Variants in SHROOM4 observed in about 807,000 individuals in gnomAD.
The protein encoded by SHROOM4 is protein Shroom4.
SHROOM4 carries 17 observed loss-of-function variants against 80.3 expected under a neutral mutation model. The ratio of observed to expected loss-of-function variants is 0.21; its 90% CI spans 0.14 to 0.32. The LOEUF (loss-of-function observed/expected upper bound fraction) is 0.32, where lower values mean the gene tolerates loss of function less well. Ranked by LOEUF, SHROOM4 falls within the 10% of genes least tolerant of loss-of-function variation. SHROOM4 has a pLI of 1.00. For synonymous variants in SHROOM4, 400 were observed against 437.5 expected (o/e 0.91, Z 1.07); for missense variants, 993 against 1,140.3 (o/e 0.87, Z 1.86).
intron 1 of SHROOM4, among the ~76,000 whole-genome samples, chrX:50,737,664 T>G (rs1435817896): frequency 1.8e-5 from 2 of 110,892 alleles, no homozygotes; most frequent in African/African-American, 6.6e-5. Context: ...AATAACAGGC[T>G]CTGAAATTGA....
intron 1 of SHROOM4, among the ~76,000 whole-genome samples, chrX:50,801,691 G>A (rs1337228874): frequency 8.9e-6 from 1 of 111,803 alleles, no homozygotes; most frequent in Non-Finnish European, 1.9e-5. Flanking sequence ...GAAAAGGAGA[G>A]TATCAGCCTC....
chrX:50,760,381 T>C (rs1935129200), intron 1 of SHROOM4, among the ~76,000 whole-genome samples: 1 of 104,212 alleles, frequency 9.6e-6, no homozygotes, highest in Non-Finnish European at 2.0e-5. Context: ...CAGGCTAGAG[T>C]GCATGGAGTG....
At chrX:50,617,275 T>C (rs1159436652) in intron 5 of SHROOM4, among the ~76,000 whole-genome samples, 1 of 112,177 alleles carries the variant, frequency 8.9e-6, no homozygotes, top group African/African-American at 3.2e-5. Flanking sequence ...GACCTAGAAA[T>C]GATGCTAGGA....
downstream of SHROOM4, among the ~76,000 whole-genome samples, chrX:50,583,875 C>T (rs1928709300): frequency 8.9e-6 from 1 of 112,259 alleles, no homozygotes; most frequent in African/African-American, 3.2e-5. Flanking sequence ...GTAGAGGACA[C>T]AGTTAAGTTA....
intron 1 of SHROOM4, 48 bp downstream of exon 1, chrX:50,813,854 G>T (rs781792397): frequency 4.0e-6 from 4 of 1,002,210 alleles, no homozygotes; most frequent in East Asian, 3.1e-5. Flanking sequence ...GCACCCGCTT[G>T]TCCATTCAAA....
intron 1 of SHROOM4, among the ~76,000 whole-genome samples, chrX:50,770,701 G>C (rs1194362475): frequency 1.8e-5 from 2 of 111,890 alleles, no homozygotes; most frequent in Non-Finnish European, 3.8e-5. Flanking sequence ...TTCCTGCAAG[G>C]AGCACCCTTT....
chrX:50,602,646 A>G lies in SHROOM4; in HGVS notation c.3929T>C (p.Leu1310Pro). 1 of 1,211,475 alleles carries G rather than the reference A, an allele frequency of 8.3e-7. No individual in the cohort carries two copies. The highest frequency in any genetic ancestry group is 1.1e-6 in the Non-Finnish European group (1 of 895,402). ...AAAAAACTTTACCTTTTTTTGAGCC[A>G]GTTCATGGTCAACTTCCTCCTCTCC... ...GLGEEEVDHE[L>P]AQKKIQLIES... The change falls in exon 7 of 9, where the codon CTG (leucine) becomes CCG (proline). Residue 1310 changes from leucine (L) to proline (P), a missense_variant. Physicochemically the swap from Leu to Pro is moderately conservative, Grantham distance 98 (BLOSUM62 -3). Coordinates refer to ENST00000376020, the MANE Select transcript of SHROOM4 (RefSeq NM_020717.5).
intron 2 of SHROOM4, among the ~76,000 whole-genome samples, chrX:50,644,614 C>T (rs1229903655): frequency 8.9e-6 from 1 of 112,555 alleles, no homozygotes; most frequent in Non-Finnish European, 1.9e-5. Flanking sequence ...GGCCTCTGGC[C>T]TCAATTCCAG....
chrX:50,789,847 C>T (rs1211140378), intron 1 of SHROOM4, among the ~76,000 whole-genome samples: 7 of 111,987 alleles, frequency 6.3e-5, no homozygotes, highest in South Asian at 3.7e-4. Context: ...CATCACCTAA[C>T]GACAGGATTA....
chrX:50,639,873 G>A (rs1380688743), intron 2 of SHROOM4, among the ~76,000 whole-genome samples: 2 of 112,233 alleles, frequency 1.8e-5, no homozygotes, highest in Non-Finnish European at 3.8e-5. Context: ...GGAAGGGCAG[G>A]GGAAGCTGTT....
chrX:50,634,378 C>A lies in SHROOM4; in HGVS notation c.1695G>T (p.Arg565=). The A allele has an allele frequency of 3.3e-6, 4 of 1,211,308 alleles. No homozygotes were observed. The highest frequency in any genetic ancestry group is 4.5e-6 in the Non-Finnish European group (4 of 895,348). Residue 565 remains arginine (R), a synonymous_variant, in exon 4 of 9, where the codon CGG becomes CGT. Transcript: ENST00000376020. ...TCCCTCCACTTCGCCTACCACCCAT[C>A]CGGCTGCACTCCTTGGGCTCGCTGT... is the stretch of plus-strand genomic sequence containing the variant. ...EGDSEPKECS[R]MGGRRSGGTR... is the part of the protein sequence containing the mutation.
chrX:50,577,911 C>T, the SHROOM4 span, among the ~76,000 whole-genome samples: 2 of 111,786 alleles, frequency 1.8e-5, no homozygotes, highest in Non-Finnish European at 3.8e-5. Flanking sequence ...ACCCCCCCAG[C>T]ACTGCTTCTT....
intron 1 of SHROOM4, among the ~76,000 whole-genome samples, chrX:50,799,685 A>AAC (rs782634562): frequency 1.1e-3 from 126 of 112,060 alleles, no homozygotes; most frequent in African/African-American, 3.9e-3. Flanking sequence ...AAAAAGTGAA[A>AAC]ACACATGCAT....
chrX:50,673,127 T>C (rs1932815028), intron 2 of SHROOM4, among the ~76,000 whole-genome samples: 1 of 111,954 alleles, frequency 8.9e-6, no homozygotes, highest in Admixed American at 9.4e-5. Flanking sequence ...TATGTATGTA[T>C]GTATATGGGT....
At chrX:50,795,458 AAG>A (rs1244446130) in intron 1 of SHROOM4, among the ~76,000 whole-genome samples, 28 of 109,888 alleles carry the variant, frequency 2.5e-4, no homozygotes, top group African/African-American at 9.3e-4. Context: ...CCCTGCCCTC[AAG>A]GAGCATATCC....
chrX:50,771,930 GAA>G (rs782276764), intron 1 of SHROOM4, among the ~76,000 whole-genome samples: 3 of 111,298 alleles, frequency 2.7e-5, no homozygotes, highest in Non-Finnish European at 5.7e-5. Flanking sequence ...CTGTAGATCT[GAA>G]AAGATTTCTG....
chrX:50,684,761 G>A (rs1385525051), intron 2 of SHROOM4, among the ~76,000 whole-genome samples: 8 of 111,940 alleles, frequency 7.1e-5, no homozygotes, highest in African/African-American at 2.6e-4. Context: ...TCTTTAAAAA[G>A]TGGAGGAGAA....
chrX:50,755,383 G>A (rs1481085136), intron 1 of SHROOM4, among the ~76,000 whole-genome samples: 1 of 111,963 alleles, frequency 8.9e-6, no homozygotes, highest in African/African-American at 3.2e-5. Flanking sequence ...CAAAGATAAG[G>A]CAATTACACA....
intron 2 of SHROOM4, among the ~76,000 whole-genome samples, chrX:50,689,485 T>C (rs963849652): frequency 8.9e-6 from 1 of 112,194 alleles, no homozygotes; most frequent in Admixed American, 9.4e-5. Context: ...CAAAAATTAC[T>C]TGTGTTCATT....
Sources: allele counts gnomAD v4.1 joint callset (sites outside exome capture counted in the v4.1 genomes callset), GRCh38; gene constraint gnomAD v4.1.1; transcripts MANE v1.5; gene names NCBI Gene and HGNC (gene_info 2026-07-23, HGNC 2026-07-21).